Variants in DTX2 observed in about 807,000 individuals in gnomAD.
DTX2 encodes the protein deltex E3 ubiquitin ligase 2.
Under a neutral mutation model 55.3 loss-of-function variants are expected in DTX2, and 29 were observed. That is an observed-to-expected ratio of 0.52 (90% CI 0.39 to 0.71). DTX2 has a LOEUF of 0.71. Among genes scored for constraint, DTX2 ranks in the 30% least tolerant of loss-of-function variants. The probability of loss-of-function intolerance (pLI) is 0.00; values close to 1 mark genes in which losing one functional copy is unlikely to be tolerated. For synonymous variants in DTX2, 276 were observed against 340.4 expected (o/e 0.81, Z 2.08); for missense variants, 537 against 822.5 (o/e 0.65, Z 4.25).
intron 2 of DTX2, among the ~76,000 whole-genome samples, chr7:76,475,275 C>T (rs1808423139): frequency 6.6e-6 from 1 of 151,948 alleles, no homozygotes; most frequent in African/African-American, 2.4e-5. Context: ...CACGCCATTG[C>T]ACTCCAGCCT....
intron 2 of DTX2, chr7:76,472,154 A>T (rs1184587044): frequency 6.6e-6 from 1 of 151,008 alleles, no homozygotes; most frequent in African/African-American, 2.5e-5. Flanking sequence ...GAGCTCGGGG[A>T]TGGGGGGATG....
chr7:76,481,124 G>T (rs1809150187), intron 3 of DTX2, among the ~76,000 whole-genome samples: 3 of 152,232 alleles, frequency 2.0e-5, no homozygotes, highest in African/African-American at 7.2e-5. Context: ...TGTGTGCCCT[G>T]GGCAGGCAAC....
At chr7:76,480,114 G>T (rs1303995939) in intron 2 of DTX2, among the ~76,000 whole-genome samples, 1 of 108,790 alleles carries the variant, frequency 9.2e-6, no homozygotes, top group African/African-American at 4.0e-5. Context: ...TTTGAGACCA[G>T]CCTGGGCAAC....
chr7:76,479,697 C>G (rs965759629), intron 2 of DTX2, among the ~76,000 whole-genome samples: 2 of 151,294 alleles, frequency 1.3e-5, no homozygotes, highest in African/African-American at 4.9e-5. Flanking sequence ...AGGAGAATCA[C>G]TTGAACCTAC....
intron 2 of DTX2, among the ~76,000 whole-genome samples, chr7:76,464,125 G>A (rs1367396423): frequency 6.6e-6 from 1 of 151,742 alleles, no homozygotes; most frequent in Non-Finnish European, 1.5e-5. Context: ...GAAATCACAA[G>A]GCTCTCCTAC....
In DTX2 at chr7:76,483,042, G is replaced by A. The variant is rs2530609; in HGVS notation, c.803G>A (p.Gly268Asp). The part of the protein sequence containing the change: ...APRLNTTNAW[G>D]AAPPSLGSQP... ...AGGCTGAACACCACCAACGCCTGGG[G>A]CGCAGCTCCTCCTTCCCTGGGGAGC... is the stretch of plus-strand genomic sequence containing the variant. The change falls in exon 4 of 11, where the codon GGC (glycine) becomes GAC (aspartate). Residue 268 changes from glycine (G) to aspartate (D), a missense_variant. By Grantham distance (94) the Gly-to-Asp change is moderately conservative. Coordinates refer to ENST00000430490, the MANE Select transcript of DTX2 (RefSeq NM_001102594.3). The A allele has an allele frequency of 7.3e-4, 1,180 of 1,609,206 alleles. 18 individuals are homozygous for A. The South Asian group carries it at 0.011, about 15-fold the overall frequency.
At chr7:76,492,052 A>G (rs1638154) in intron 4 of DTX2, 101 bp from the exon 5 acceptor site, 5,036 of 464,394 alleles carry the variant, frequency 0.011, 137 homozygotes, top group African/African-American at 0.056. Context: ...AAGCGCGAAG[A>G]CACCTCAGTG....
intron 7 of DTX2, among the ~76,000 whole-genome samples, chr7:76,501,001 C>G (rs2116597069): frequency 6.6e-6 from 1 of 152,296 alleles, no homozygotes; most frequent in South Asian, 2.1e-4. Context: ...TCACTGCAGC[C>G]CTGTCCTCCT....
At chr7:76,467,788 GC>G (rs1463553599) in intron 2 of DTX2, among the ~76,000 whole-genome samples, 1 of 149,786 alleles carries the variant, frequency 6.7e-6, no homozygotes, top group African/African-American at 2.4e-5. Flanking sequence ...GGCCACTTCT[GC>G]CTGTGGAGCG....
At chr7:76,498,117 A>AC (rs1811125439) in intron 6 of DTX2, among the ~76,000 whole-genome samples, 1 of 152,252 alleles carries the variant, frequency 6.6e-6, no homozygotes, top group Non-Finnish European at 1.5e-5. Context: ...TGGCCAGTCC[A>AC]GACGCTCTTG....
At chr7:76,499,317 G>C (rs990638800) in intron 6 of DTX2, among the ~76,000 whole-genome samples, 1 of 127,542 alleles carries the variant, frequency 7.8e-6, no homozygotes, top group Non-Finnish European at 1.6e-5. Flanking sequence ...GGCATGATTC[G>C]TTCACAGCAA....
chr7:76,505,948 T>G lies in DTX2; in HGVS notation c.*347T>G, dbSNP rs573891853. The G allele has an allele frequency of 2.0e-5, 9 of 445,710 alleles. No homozygotes were observed. In the East Asian group the frequency reaches 3.3e-4, roughly 16 times the overall value. 27.6% of individuals were successfully genotyped at this position (445,710 alleles called of 1,614,324 possible). On this transcript the variant is annotated 3_prime_UTR_variant, in exon 11 of 11. Coordinates refer to ENST00000430490, the MANE Select transcript of DTX2 (RefSeq NM_001102594.3). The surrounding 1 kb of genome is among the most constrained non-coding windows in gnomAD (Gnocchi z 4.4). ...GACGGGCGTGGGTTCTGGGTCAGCT[T>G]CTTTTACCTCAATTTTGTTTGCAAT...
intron 2 of DTX2, among the ~76,000 whole-genome samples, chr7:76,477,795 G>A (rs1238148719): frequency 4.4e-5 from 5 of 114,288 alleles, no homozygotes; most frequent in Non-Finnish European, 7.1e-5. Flanking sequence ...AGTGAGACTC[G>A]GACTCTAAAT....
chr7:76,502,582 C>T (rs1210888207), intron 8 of DTX2, 126 bp downstream of exon 8: 6 of 1,108,320 alleles, frequency 5.4e-6, no homozygotes, highest in South Asian at 4.9e-5. Flanking sequence ...TGGTGCTGGG[C>T]GTGGGGCCAG....
At chr7:76,467,100 T>C (rs1417796450) in intron 2 of DTX2, among the ~76,000 whole-genome samples, 61 of 151,984 alleles carry the variant, frequency 4.0e-4, no homozygotes, top group Admixed American at 1.1e-3. Flanking sequence ...AGCTTCACTG[T>C]GTTGCCCAGG....
intron 3 of DTX2, 104 bp downstream of exon 3, chr7:76,480,881 G>T: frequency 7.5e-7 from 1 of 1,326,062 alleles, no homozygotes; most frequent in Non-Finnish European, 1.0e-6. Context: ...CAGAGCTTCT[G>T]CTCTCTCCCT....
At chr7:76,468,447 CATTTTTTTTTTTTTT>C (rs1807440127) in intron 2 of DTX2, among the ~76,000 whole-genome samples, 2 of 77,674 alleles carry the variant, frequency 2.6e-5, no homozygotes, top group Non-Finnish European at 4.9e-5. Context: ...GGCCCACTGC[CATTTTTTTTTTTTTT>C]TTTTTTTTTT....
Position 76,505,528 on chromosome 7 carries a change from C to T in DTX2, c.1796C>T (p.Pro599Leu), listed in dbSNP as rs752490534. Residue 599 changes from proline (P) to leucine (L), a missense_variant, in exon 11 of 11, where the codon CCC (proline) becomes CTC (leucine). By Grantham distance (98) the Pro-to-Leu change is moderately conservative. Around this residue, in one of 7 missense-constraint regions of DTX2, gnomAD observed 59 missense variants for 54.1 expected, o/e 1.09. Transcript: ENST00000430490. The surrounding 1 kb of genome is among the most constrained non-coding windows in gnomAD (Gnocchi z 4.4). ...ATTACGGGCCACGGCTATCCCGACC[C>T]CAACTACCTGCAGAACGTGCTGGCT... ...RNITGHGYPDPNYLQNVLAEL... is the reference protein window; with the variant it reads ...RNITGHGYPDLNYLQNVLAEL... 4.3e-6 allele frequency: 7 copies of T among 1,609,420 alleles called. 1 individual carries two copies. Among genetic ancestry groups the T allele is most frequent in the Non-Finnish European group, 5.9e-6 (7 of 1,178,264 alleles).
At chr7:76,494,348 G>A (rs1810694930) in intron 5 of DTX2, among the ~76,000 whole-genome samples, 1 of 90,780 alleles carries the variant, frequency 1.1e-5, no homozygotes, top group African/African-American at 4.5e-5. Context: ...ACCGTGCGGC[G>A]CCGTAGGGAA....
Sources: gnomAD v4.1 joint callset for allele counts (sites outside exome capture counted in the v4.1 genomes callset) on GRCh38, gnomAD v4.1.1 for gene constraint, gnomAD v4.1.1 regional missense constraint, Gnocchi (gnomAD v3.1) non-coding constraint, MANE v1.5 for transcripts, NCBI Gene and HGNC (gene_info 2026-07-23, HGNC 2026-07-21) for gene names.